ACVR1: variants seen among roughly 807,000 people sequenced by gnomAD.
The protein encoded by ACVR1 is activin receptor type-1.
ACVR1 carries 38 observed loss-of-function variants against 57.1 expected under a neutral mutation model. The ratio of observed to expected loss-of-function variants is 0.67; its 90% CI spans 0.51 to 0.87. ACVR1 has a LOEUF of 0.87. Among genes scored for constraint, ACVR1 ranks in the 40% least tolerant of loss-of-function variants. ACVR1 has a pLI of 0.00. For missense variants in ACVR1, 463 were observed against 638.2 expected (o/e 0.73, Z 2.96); for synonymous variants, 212 against 228.1 (o/e 0.93, Z 0.63).
Position 157,799,529 on chromosome 2 carries a change from A to G in ACVR1, c.-7-29T>C, listed in dbSNP as rs533289818. On this transcript the variant is annotated intron_variant, in intron 2 of 10. Coordinates refer to ENST00000434821, the MANE Select transcript of ACVR1 (RefSeq NM_001111067.4). ...TAAAGGGAAAAGAAGAGATGTAAGT[A>G]AAGCATAAATATCTAACTGCAGGAA... 10 of 1,554,516 alleles carry G rather than the reference A, an allele frequency of 6.4e-6. No individual in the cohort carries two copies. In the South Asian group the frequency reaches 1.1e-4, roughly 17 times the overall value.
chr2:157,773,323 C>T (rs1686142610), intron 6 of ACVR1, among the ~76,000 whole-genome samples: 1 of 152,210 alleles, frequency 6.6e-6, no homozygotes, highest in South Asian at 2.1e-4. Flanking sequence ...AAAACATTTA[C>T]AAATTTTGAC....
intron 9 of ACVR1, among the ~76,000 whole-genome samples, chr2:157,740,935 G>A (rs991576029): frequency 6.6e-6 from 1 of 152,098 alleles, no homozygotes; most frequent in Non-Finnish European, 1.5e-5. Context: ...TTCACCTGAC[G>A]CTGGCCATGC....
At chr2:157,828,893 A>C (rs989506189) in intron 1 of ACVR1, among the ~76,000 whole-genome samples, 3 of 151,896 alleles carry the variant, frequency 2.0e-5, no homozygotes, top group African/African-American at 7.3e-5. Context: ...CAGCCTCCTG[A>C]GTAGCTGGGA....
intron 9 of ACVR1, among the ~76,000 whole-genome samples, chr2:157,751,569 G>A (rs558677683): frequency 5.3e-5 from 8 of 152,218 alleles, no homozygotes; most frequent in Non-Finnish European, 1.0e-4. Flanking sequence ...TCTCAGCCCT[G>A]CTGGCCCACT....
intron 1 of ACVR1, among the ~76,000 whole-genome samples, chr2:157,856,605 T>C (rs901860002): frequency 6.6e-6 from 1 of 152,234 alleles, no homozygotes; most frequent in Non-Finnish European, 1.5e-5. Context: ...TCATCTTTAC[T>C]GGACTTGAGC....
At chr2:157,866,760 G>A (rs1415871352) in intron 1 of ACVR1, among the ~76,000 whole-genome samples, 3 of 152,212 alleles carry the variant, frequency 2.0e-5, no homozygotes, top group African/African-American at 7.2e-5. Flanking sequence ...GTTGGAGACT[G>A]TTATTTTACT....
At position 157,818,376 on chromosome 2, in the gene ACVR1, C is replaced by T. The variant is rs1313887004; in HGVS notation, c.-8+9G>A. ...TCTGAGAGCTCCTGGGTAAAGCTTA[C>T]TCAGCTACCTTAATGCAGGCTCTTG... On this transcript the variant is annotated intron_variant, in intron 2 of 10. Transcript: ENST00000434821. The T allele has an allele frequency of 6.6e-6, 1 of 152,308 alleles. No individual in the cohort carries two copies. The highest frequency in any genetic ancestry group is 1.9e-4 in the East Asian group (1 of 5,178). 9.4% of individuals were successfully genotyped at this position (152,308 alleles called of 1,614,324 possible). A position where few individuals can be genotyped will look rare whatever the true frequency, so the allele number is the denominator to read the frequency against.
At chr2:157,827,826 T>C (rs547116124) in intron 1 of ACVR1, among the ~76,000 whole-genome samples, 1 of 152,280 alleles carries the variant, frequency 6.6e-6, no homozygotes, top group East Asian at 1.9e-4. Flanking sequence ...CCCGCACCAC[T>C]GCTGTGTGAC....
At chr2:157,872,054 A>G (rs1294785645) in intron 1 of ACVR1, among the ~76,000 whole-genome samples, 1 of 152,168 alleles carries the variant, frequency 6.6e-6, no homozygotes, top group African/African-American at 2.4e-5. Context: ...GAGGAGGTAA[A>G]TCTTCCATTT....
chr2:157,864,518 A>C (rs1689846438), intron 1 of ACVR1, among the ~76,000 whole-genome samples: 1 of 152,196 alleles, frequency 6.6e-6, no homozygotes, highest in African/African-American at 2.4e-5. Flanking sequence ...TCACACTTGG[A>C]CACCACACTT....
At chr2:157,740,261 G>A (rs567074021) in intron 9 of ACVR1, among the ~76,000 whole-genome samples, 1 of 152,038 alleles carries the variant, frequency 6.6e-6, no homozygotes, top group East Asian at 1.9e-4. Flanking sequence ...ATATCAGTCA[G>A]TGGATTAAAA....
chr2:157,737,836 G>A (rs569222994), intron 10 of ACVR1, among the ~76,000 whole-genome samples, 171 bp from the exon 11 acceptor site: 2 of 152,276 alleles, frequency 1.3e-5, no homozygotes, highest in Admixed American at 6.5e-5. Context: ...CACTGATAAA[G>A]AGGCCATTCT....
At chr2:157,829,614 G>A (rs1213565026) in intron 1 of ACVR1, among the ~76,000 whole-genome samples, 3 of 152,058 alleles carry the variant, frequency 2.0e-5, no homozygotes, top group Non-Finnish European at 4.4e-5. Context: ...GTATCTTACA[G>A]CTCCCTGGGG....
intron 1 of ACVR1, among the ~76,000 whole-genome samples, chr2:157,866,674 C>G (rs1689949082): frequency 6.6e-6 from 1 of 152,160 alleles, no homozygotes; most frequent in Non-Finnish European, 1.5e-5. Flanking sequence ...ACATAAGATA[C>G]AGGTGTCACC....
rs1689142294 is a variant in ACVR1 at position 157,846,899 on chromosome 2, CAT to C, written c.-182-28342_-182-28341del. ...CTCCAAAGGAGAAGAGAAAACATAA[CAT>C]GTGCTATTCTAGGAAACTGAGAATA... On this transcript the variant is annotated intron_variant, in intron 1 of 10. Transcript: ENST00000434821. 2.0e-5 allele frequency among the ~76,000 whole-genome samples: 3 copies of C among 152,166 alleles called. 1 individual carries two copies. In the South Asian group the frequency reaches 6.2e-4, roughly 32 times the overall value.
chr2:157,737,513 C>G lies in ACVR1; in HGVS notation c.*18G>C. The G allele has an allele frequency of 6.2e-7, 1 of 1,613,736 alleles. No homozygotes were observed. On this transcript the variant is annotated 3_prime_UTR_variant, in exon 11 of 11. Transcript: ENST00000434821. The stretch of plus-strand genomic sequence containing the variant: ...ATGACAACAACGTCAAATCTTCCTT[C>G]TTGACACTATGAAAATGTCAACAGT...
intron 7 of ACVR1, among the ~76,000 whole-genome samples, chr2:157,766,948 T>A (rs1471271548): frequency 6.6e-6 from 1 of 152,182 alleles, no homozygotes; most frequent in Admixed American, 6.5e-5. Flanking sequence ...AGGCTTCCAT[T>A]AGGAAGTGGC....
chr2:157,736,802 T>C lies in ACVR1; in HGVS notation c.*729A>G, dbSNP rs1684549669. ...TATAGTGTTAAAAACATTTCTGTAA[T>C]AAAATCATAAGACCACATAAAAATA... On this transcript the variant is annotated 3_prime_UTR_variant, in exon 11 of 11. Transcript: ENST00000434821. The C allele has an allele frequency of 2.9e-6, 1 of 344,932 alleles. No individual in the cohort carries two copies. 21.4% of individuals were successfully genotyped at this position (344,932 alleles called of 1,614,324 possible).
chr2:157,749,434 T>C (rs1409164491), intron 9 of ACVR1, among the ~76,000 whole-genome samples: 1 of 152,200 alleles, frequency 6.6e-6, no homozygotes. Context: ...ACTCTTTCAG[T>C]AGGTACAGTC....
Sources: allele counts gnomAD v4.1 joint callset (sites outside exome capture counted in the v4.1 genomes callset), GRCh38; gene constraint gnomAD v4.1.1; transcripts MANE v1.5; gene names NCBI Gene and HGNC (gene_info 2026-07-23, HGNC 2026-07-21).